The following OR2L13 variants were observed in gnomAD, a reference collection of about 807,000 sequenced individuals.
OR2L13 encodes the protein olfactory receptor family 2 subfamily L member 13.
Under a neutral mutation model 15.3 loss-of-function variants are expected in OR2L13, and 14 were observed. The observed-to-expected ratio is 0.91, with a 90% confidence interval of 0.60 to 1.43. The LOEUF (loss-of-function observed/expected upper bound fraction) is 1.43, where lower values mean the gene tolerates loss of function less well. Among genes scored for constraint, OR2L13 ranks in the 40% most tolerant of loss-of-function variants. The pLI is 0.00. For missense variants in OR2L13, 367 were observed against 387.9 expected (o/e 0.95, Z 0.45); for synonymous variants, 152 against 142.9 (o/e 1.06, Z -0.45).
At chr1:248,028,724 A>G in the OR2L13 span, among the ~76,000 whole-genome samples, 62 of 152,310 alleles carry the variant, frequency 4.1e-4, no homozygotes, top group African/African-American at 1.5e-3. Context: ...TTTCAGGAAT[A>G]AGTTGTTGAC....
chr1:248,014,471 A>G, the OR2L13 span, among the ~76,000 whole-genome samples: 1 of 152,086 alleles, frequency 6.6e-6, no homozygotes, highest in African/African-American at 2.4e-5. Flanking sequence ...ATTTTGCAAT[A>G]TATTTATTTT....
chr1:247,991,109 C>T, the OR2L13 span: 34 of 1,605,354 alleles, frequency 2.1e-5, no homozygotes, highest in Non-Finnish European at 2.8e-5. Flanking sequence ...ACCATCCTCA[C>T]TCCAATGCTC....
the OR2L13 span, among the ~76,000 whole-genome samples, chr1:248,046,093 A>C: frequency 3.4e-3 from 522 of 151,716 alleles, 2 homozygotes; most frequent in African/African-American, 0.012. Flanking sequence ...GAACATTTAA[A>C]GTACTCTACT....
At chr1:247,956,051 TTCTTC>T in the OR2L13 span, among the ~76,000 whole-genome samples, 1 of 145,476 alleles carries the variant, frequency 6.9e-6, no homozygotes, top group Non-Finnish European at 1.5e-5. Flanking sequence ...TGCCTAGGTT[TTCTTC>T]TAGGGTTTTT....
chr1:247,993,807 GAGAGAAAGAAAGAGAA>G, the OR2L13 span, among the ~76,000 whole-genome samples: 1 of 129,018 alleles, frequency 7.8e-6, no homozygotes, highest in African/African-American at 3.9e-5. Context: ...GAGAGAGAGA[GAGAGAAAGAAAGAGAA>G]AGAAAGAGAG....
chr1:248,009,166 A>G, the OR2L13 span, among the ~76,000 whole-genome samples: 1 of 152,136 alleles, frequency 6.6e-6, no homozygotes, highest in Non-Finnish European at 1.5e-5. Flanking sequence ...AAGCTAGCAA[A>G]AGACAAGAAA....
At chr1:248,070,359 C>G in the OR2L13 span, among the ~76,000 whole-genome samples, 2 of 151,758 alleles carry the variant, frequency 1.3e-5, no homozygotes, top group East Asian at 3.9e-4. Context: ...ACTGAACAAC[C>G]TGCTCCTGAA....
chr1:248,038,102 T>C, the OR2L13 span: 12 of 532,630 alleles, frequency 2.3e-5, no homozygotes, highest in African/African-American at 1.5e-4. Context: ...TTAAAGTTTA[T>C]AATATGCATT....
the OR2L13 span, among the ~76,000 whole-genome samples, chr1:248,016,684 A>G: frequency 1.3e-5 from 2 of 152,028 alleles, no homozygotes; most frequent in Non-Finnish European, 2.9e-5. Context: ...AAACTAGACC[A>G]CACATTTTTT....
the OR2L13 span, chr1:247,965,489 C>T: frequency 1.2e-6 from 2 of 1,613,660 alleles, no homozygotes; most frequent in Admixed American, 1.7e-5. Flanking sequence ...TTTACAGTTG[C>T]TCTGACAGGA....
chr1:248,014,893 TC>T, the OR2L13 span, among the ~76,000 whole-genome samples: 3 of 152,172 alleles, frequency 2.0e-5, no homozygotes, highest in Non-Finnish European at 4.4e-5. Flanking sequence ...AAACCGAGTC[TC>T]TTTCCCATGA....
chr1:248,096,758 T>C (rs551040125), upstream of OR2L13, among the ~76,000 whole-genome samples: 1 of 152,352 alleles, frequency 6.6e-6, no homozygotes, highest in East Asian at 1.9e-4. Flanking sequence ...TTGCTACACT[T>C]ACATTGTTAG....
At chr1:247,961,859 A>G in the OR2L13 span, among the ~76,000 whole-genome samples, 10 of 152,360 alleles carry the variant, frequency 6.6e-5, no homozygotes, top group Non-Finnish European at 1.5e-5. Context: ...GCCAAAAAAA[A>G]AGCCTGATTC....
the OR2L13 span, among the ~76,000 whole-genome samples, chr1:247,997,732 C>T: frequency 6.6e-6 from 1 of 152,158 alleles, no homozygotes; most frequent in Admixed American, 6.5e-5. Flanking sequence ...TGCCTTGAAA[C>T]ATCTAAATAC....
the OR2L13 span, chr1:247,939,426 C>G: frequency 6.6e-6 from 1 of 152,174 alleles, no homozygotes; most frequent in Non-Finnish European, 1.5e-5. Context: ...TTGTAACATA[C>G]TGGGACTCAT....
At chr1:247,983,993 G>A in the OR2L13 span, among the ~76,000 whole-genome samples, 3 of 152,040 alleles carry the variant, frequency 2.0e-5, no homozygotes, top group African/African-American at 7.2e-5. Flanking sequence ...TTTTCTACCC[G>A]GTGGTCTGGC....
the OR2L13 span, among the ~76,000 whole-genome samples, chr1:248,064,947 C>A: frequency 1.3e-5 from 2 of 152,204 alleles, no homozygotes; most frequent in Admixed American, 6.5e-5. Flanking sequence ...ATAAGCTCGT[C>A]CCCACTGACA....
the OR2L13 span, among the ~76,000 whole-genome samples, chr1:248,063,853 G>C: frequency 1.3e-5 from 2 of 152,328 alleles, no homozygotes; most frequent in Non-Finnish European, 2.9e-5. Context: ...ATTGCCCCAC[G>C]TGGGTGTTGC....
chr1:248,029,065 T>C, the OR2L13 span: 82 of 152,204 alleles, frequency 5.4e-4, no homozygotes, highest in African/African-American at 2.0e-3. Context: ...GAATGTACAC[T>C]AACTACCCCG....
Sources: allele counts gnomAD v4.1 joint callset (sites outside exome capture counted in the v4.1 genomes callset), GRCh38; gene constraint gnomAD v4.1.1; transcripts MANE v1.5; gene names NCBI Gene and HGNC (gene_info 2026-07-23, HGNC 2026-07-21).